TNK2: variants seen among roughly 807,000 people sequenced by gnomAD.
TNK2 encodes the protein tyrosine kinase non receptor 2.
In TNK2, 83 loss-of-function variants were observed where a neutral mutation model predicts 101.8. The observed-to-expected ratio is 0.82, with a 90% CI of 0.68 to 0.98. TNK2 has a LOEUF of 0.98. Among genes scored for constraint, TNK2 ranks in the 50% least tolerant of loss-of-function variants. The pLI, the probability that TNK2 is intolerant of heterozygous loss-of-function variation, is 0.00. For missense variants in TNK2, 1,665 were observed against 1,483.2 expected (o/e 1.12, Z -2.01); for synonymous variants, 804 against 633.0 (o/e 1.27, Z -4.06).
intron 10 of TNK2, 66 bp from the exon 11 acceptor site, chr3:195,870,271 A>C (rs779254371): frequency 6.3e-7 from 1 of 1,590,558 alleles, no homozygotes; most frequent in Non-Finnish European, 8.6e-7. Context: ...GAATCTCATC[A>C]GAGCCCCTTC....
chr3:195,877,288 A>G (rs1749942136), intron 9 of TNK2, among the ~76,000 whole-genome samples: 1 of 152,096 alleles, frequency 6.6e-6, no homozygotes, highest in South Asian at 2.1e-4. Flanking sequence ...CCCTGGGCCC[A>G]AGGGTGAGGG....
Position 195,885,651 on chromosome 3 carries a change from C to A in TNK2, c.235-618G>T, listed in dbSNP as rs2149605546. The stretch of plus-strand genomic sequence containing the variant: ...AAGGGGCCTGGGAAGACAGCTGGGT[C>A]TCTGGAGGGGCGCCTAGAGCTGAGG... On this transcript the variant is annotated intron_variant, in intron 3 of 15. Transcript: ENST00000672887. The surrounding 1 kb of genome is among the most constrained non-coding windows in gnomAD (Gnocchi z 4.7). The A allele has an allele frequency of 8.2e-7, 1 of 1,213,842 alleles. No homozygotes were observed. The highest frequency in any genetic ancestry group is 1.1e-6 in the Non-Finnish European group (1 of 920,688). 75.2% of individuals were successfully genotyped at this position (1,213,842 alleles called of 1,614,324 possible).
intron 1 of TNK2, among the ~76,000 whole-genome samples, chr3:195,905,998 T>A (rs1231752797): frequency 6.6e-6 from 1 of 151,984 alleles, no homozygotes; most frequent in Non-Finnish European, 1.5e-5. Context: ...CCCTACACAA[T>A]TAAAAATGGG....
At chr3:195,876,407 C>T (rs1560500398) in intron 9 of TNK2, 1 of 456,710 alleles carries the variant, frequency 2.2e-6, no homozygotes, top group Admixed American at 2.3e-5. Flanking sequence ...ACTCCAAACA[C>T]AGACCCACAG....
chr3:195,869,489 C>T lies in TNK2; in HGVS notation c.1588+8G>A, dbSNP rs1231359133. On this transcript the variant is annotated splice_region_variant and intron_variant, in intron 12 of 15. Transcript: ENST00000672887. ...GGGGGCCAAGGCATCGGAAGCAGCC[C>T]CACTTACTCTGAGTGAAGAAGGCAG... 1.5e-5 allele frequency: 23 copies of T among 1,550,570 alleles called. No homozygotes were observed. Among genetic ancestry groups the T allele is most frequent in the Non-Finnish European group, 1.7e-5 (19 of 1,146,900 alleles).
chr3:195,892,595 G>T, intron 1 of TNK2: 1 of 1,458,092 alleles, frequency 6.9e-7, no homozygotes, highest in Admixed American at 2.4e-5. Flanking sequence ...CCAGGGGTGG[G>T]AAATGAGGAA....
intron 1 of TNK2, chr3:195,892,459 C>T: frequency 6.5e-7 from 1 of 1,535,632 alleles, no homozygotes. Context: ...AGGAGAGCTC[C>T]AGGCCAGGGA....
chr3:195,884,711 C>T (rs1265378348), intron 4 of TNK2, 101 bp downstream of exon 4: 25 of 1,076,160 alleles, frequency 2.3e-5, no homozygotes, highest in South Asian at 3.2e-5. Context: ...CACACTGTGA[C>T]GCATCCCCAG....
chr3:195,867,542 G>A lies in TNK2; in HGVS notation c.2756C>T (p.Ala919Val), dbSNP rs944837819. The change falls in exon 13 of 16, where the codon GCC becomes GTC. Residue 919 changes from alanine (A) to valine (V), a missense_variant. Physicochemically the swap from Ala to Val is moderately conservative, Grantham distance 64 (BLOSUM62 0). This residue lies in a region of TNK2 where 1,136 missense variants were observed against 894.9 expected (regional missense o/e 1.27). Transcript: ENST00000672887. ...CATCGGCCGCACGGTGGCCGTGGGG[G>A]CGGCGGGGGCTGGGGTGCTGGGTGG... ...LPPPSTPAPA[A>V]PTATVRPMPQ... 3.3e-6 allele frequency: 5 copies of A among 1,533,780 alleles called. No individual in the cohort carries two copies. The highest frequency in any genetic ancestry group is 1.4e-5 in the African/African-American group (1 of 73,432).
At chr3:195,889,042 T>C (rs1757309172) in intron 1 of TNK2, among the ~76,000 whole-genome samples, 1 of 152,114 alleles carries the variant, frequency 6.6e-6, no homozygotes, top group Non-Finnish European at 1.5e-5. Context: ...CCGAGACCCA[T>C]CTATGGGCTC....
At position 195,866,939 on chromosome 3, in the gene TNK2, C is replaced by T. The variant is rs908233316; in HGVS notation, c.3111G>A (p.Leu1037=). The T allele has an allele frequency of 1.9e-6, 3 of 1,612,750 alleles. No individual in the cohort carries two copies. The highest frequency in any genetic ancestry group is 1.3e-5 in the African/African-American group (1 of 74,926). The change falls in exon 15 of 16, where the codon CTG becomes CTA. Residue 1037 remains leucine (L), a synonymous_variant. Transcript: ENST00000672887. ...CCAGAAGGTGGCAGCCGGCCTGCTCCAGGTTCCAGTCGAACATCTCCAGCA... is the reference window on the plus strand; with the variant it reads ...CCAGAAGGTGGCAGCCGGCCTGCTCTAGGTTCCAGTCGAACATCTCCAGCA... ...HKVLEMFDWN[L]EQAGCHLLGS... is the part of the protein sequence containing the mutation.
intron 9 of TNK2, 48 bp from the exon 10 acceptor site, chr3:195,872,518 C>T: frequency 6.5e-7 from 1 of 1,537,692 alleles, no homozygotes; most frequent in Non-Finnish European, 8.8e-7. Flanking sequence ...GCGGGGCAGC[C>T]CCGGCACTGG....
rs1262584026 is a variant in TNK2 at position 195,867,838 on chromosome 3, G to C, written c.2460C>G (p.Pro820=). Residue 820 remains proline, a synonymous_variant, in exon 13 of 16, where the codon CCC becomes CCG. Coordinates refer to ENST00000672887, the MANE Select transcript of TNK2 (RefSeq NM_001382273.1). ...LVPPGSSPLP[P]RLSSSPGKTM... The stretch of plus-strand genomic sequence containing the variant: ...TCTTCCCAGGTGAGCTTGAGAGCCG[G>C]GGTGGCAGCGGGGAGCTGCCAGGTG... 2.0e-6 allele frequency: 3 copies of C among 1,536,352 alleles called. No individual in the cohort carries two copies. The South Asian group carries it at 3.8e-5, about 20-fold the overall frequency.
At chr3:195,869,458 G>A (rs908282789) in intron 12 of TNK2, 39 bp downstream of exon 12, 58 of 1,546,798 alleles carry the variant, frequency 3.7e-5, no homozygotes, top group Admixed American at 2.4e-4. Flanking sequence ...GAGAGGGGGC[G>A]GGGGCGGGGG....
intron 1 of TNK2, among the ~76,000 whole-genome samples, chr3:195,900,519 G>A (rs959798248): frequency 6.6e-6 from 1 of 152,212 alleles, no homozygotes; most frequent in Non-Finnish European, 1.5e-5. Flanking sequence ...ACCGTTTCAT[G>A]CTCCGCCAGC....
chr3:195,869,386 C>T, intron 12 of TNK2, 111 bp downstream of exon 12: 1 of 932,782 alleles, frequency 1.1e-6, no homozygotes, highest in South Asian at 1.4e-5. Flanking sequence ...ACAGCACACA[C>T]CCACCCACCT....
Position 195,885,636 on chromosome 3 carries a change from G to C in TNK2, c.235-603C>G, listed in dbSNP as rs1386889452. 1 of 1,267,810 alleles carries C rather than the reference G, an allele frequency of 7.9e-7. No individual in the cohort carries two copies. Among genetic ancestry groups the C allele is most frequent in the Non-Finnish European group, 1.0e-6 (1 of 969,146 alleles). The allele number at this position is 1,267,810 out of a possible 1,614,324, so 78.5% of individuals were successfully genotyped here. A position where few individuals can be genotyped will look rare whatever the true frequency, so the allele number is the denominator to read the frequency against. ...CTAGTCCTTGCTGGGAAGGGGCCTG[G>C]GAAGACAGCTGGGTCTCTGGAGGGG... On this transcript the variant is annotated intron_variant, in intron 3 of 15. Transcript: ENST00000672887. This position sits in a 1 kb window ranked among gnomAD's most constrained non-coding sequence, Gnocchi z 4.7.
intron 5 of TNK2, 109 bp downstream of exon 5, chr3:195,883,048 A>G: frequency 4.3e-6 from 6 of 1,399,190 alleles, no homozygotes; most frequent in Non-Finnish European, 5.8e-6. Flanking sequence ...TTGGGGGACC[A>G]AAGTAGGATC....
In TNK2 at chr3:195,885,007, A is replaced by T. The variant is rs201105197; in HGVS notation, c.261T>A (p.Ala87=). The T allele has an allele frequency of 6.2e-7, 1 of 1,606,712 alleles. No homozygotes were observed. The highest frequency in any genetic ancestry group is 8.5e-7 in the Non-Finnish European group (1 of 1,175,374). Reference sequence around the variant, plus strand: ...TCTGAGAGTGATGAGGTGGGAACTCAGCCTCCAGTCGCTTTCCACTGAACA... The same window carrying T: ...TCTGAGAGTGATGAGGTGGGAACTCTGCCTCCAGTCGCTTTCCACTGAACA... ...SKVFSGKRLE[A]EFPPHHSQST... is the part of the protein sequence containing the mutation. The change falls in exon 4 of 16, where the codon GCT becomes GCA. Residue 87 remains alanine (A), a synonymous_variant. Coordinates refer to ENST00000672887, the MANE Select transcript of TNK2 (RefSeq NM_001382273.1). This position sits in a 1 kb window ranked among gnomAD's most constrained non-coding sequence, Gnocchi z 4.7.
Sources: allele counts gnomAD v4.1 joint callset (sites outside exome capture counted in the v4.1 genomes callset), GRCh38; gene constraint gnomAD v4.1.1; regional missense constraint gnomAD v4.1.1; non-coding constraint Gnocchi (gnomAD v3.1); transcripts MANE v1.5; gene names NCBI Gene and HGNC (gene_info 2026-07-23, HGNC 2026-07-21).